Variants in SLC8A3 observed in about 807,000 individuals in gnomAD.
SLC8A3 encodes sodium/calcium exchanger 3.
SLC8A3 carries 37 observed loss-of-function variants against 65.4 expected under a neutral mutation model. That is an observed-to-expected ratio of 0.57 (90% confidence interval 0.44 to 0.74). The LOEUF (loss-of-function observed/expected upper bound fraction) is 0.74. Among genes scored for constraint, SLC8A3 ranks in the 30% least tolerant of loss-of-function variants. The pLI, the probability that SLC8A3 is intolerant of heterozygous loss-of-function variation, is 0.00. For missense variants in SLC8A3, 1,112 were observed against 1,172.1 expected (o/e 0.95, Z 0.75); for synonymous variants, 461 against 444.5 (o/e 1.04, Z -0.47).
chr14:70,115,607 G>C (rs1484592117), intron 2 of SLC8A3, among the ~76,000 whole-genome samples: 2 of 152,190 alleles, frequency 1.3e-5, no homozygotes, highest in African/African-American at 4.8e-5. Context: ...TGAGGAGAGG[G>C]ACGATGGGAA....
chr14:70,138,512 T>A (rs1895366511), intron 2 of SLC8A3, among the ~76,000 whole-genome samples: 2 of 152,210 alleles, frequency 1.3e-5, no homozygotes, highest in Admixed American at 6.5e-5. Context: ...ACTGCACCAT[T>A]CATCGGAATC....
chr14:70,108,408 AAAAAAAGAAAAATGAAAAAG>A (rs1893026734), intron 2 of SLC8A3, among the ~76,000 whole-genome samples: 1 of 151,836 alleles, frequency 6.6e-6, no homozygotes, highest in African/African-American at 2.4e-5. Context: ...TCAAAAAAAA[AAAAAAAGAAAAATGAAAAAG>A]AAAAAAGAAA....
intron 2 of SLC8A3, among the ~76,000 whole-genome samples, chr14:70,096,717 C>T (rs1158532727): frequency 6.6e-6 from 1 of 152,150 alleles, no homozygotes; most frequent in Non-Finnish European, 1.5e-5. Context: ...CAATTCATGT[C>T]CCTCTTCATT....
intron 2 of SLC8A3, among the ~76,000 whole-genome samples, chr14:70,151,227 C>T (rs1258639632): frequency 2.0e-5 from 3 of 151,248 alleles, no homozygotes; most frequent in African/African-American, 4.9e-5. Flanking sequence ...GCACTCCAGC[C>T]CAGGCGACAG....
rs925632365 is a variant in SLC8A3, at chr14:70,045,197, A to C, written c.*750T>G. On this transcript the variant is annotated 3_prime_UTR_variant, in exon 7 of 7. Transcript: ENST00000356921. ...TCCTGCTCCAGTTGAAGCTCCTGTA[A>C]GATCTTTAGTACCCTGCGTGGGTGA... 6.6e-6 allele frequency: 1 copy of C among 152,180 alleles called. No individual in the cohort carries two copies. Among genetic ancestry groups the C allele is most frequent in the African/African-American group, 2.4e-5 (1 of 41,434 alleles). The allele number at this position is 152,180 out of a possible 1,614,324, so 9.4% of individuals were successfully genotyped here.
At chr14:70,050,620 C>T (rs1373744909) in intron 5 of SLC8A3, among the ~76,000 whole-genome samples, 1 of 152,106 alleles carries the variant, frequency 6.6e-6, no homozygotes, top group Non-Finnish European at 1.5e-5. Context: ...TCAGAATTGT[C>T]CCACATTTTA....
intron 1 of SLC8A3, among the ~76,000 whole-genome samples, chr14:70,182,991 A>G (rs1882885852): frequency 1.3e-5 from 2 of 152,178 alleles, no homozygotes; most frequent in Admixed American, 6.5e-5. Flanking sequence ...CAGTGGAGAA[A>G]TCAGGGTGCA....
At chr14:70,182,455 G>T (rs997470981) in intron 1 of SLC8A3, among the ~76,000 whole-genome samples, 1 of 152,090 alleles carries the variant, frequency 6.6e-6, no homozygotes, top group Non-Finnish European at 1.5e-5. Context: ...GTGGAAGAGG[G>T]GCCATGTAGA....
chr14:70,091,524 A>C (rs1891802488), intron 2 of SLC8A3, among the ~76,000 whole-genome samples: 1 of 152,144 alleles, frequency 6.6e-6, no homozygotes, highest in Non-Finnish European at 1.5e-5. Flanking sequence ...CTGGTACTTG[A>C]ATATCCTATA....
chr14:70,131,305 A>G lies in SLC8A3; in HGVS notation c.1784+35334T>C, dbSNP rs547317900. Among the ~76,000 whole-genome samples the G allele has an allele frequency of 3.3e-5, 5 of 152,312 alleles. No homozygotes were observed. In the South Asian group the frequency reaches 1.0e-3, roughly 32 times the overall value. On this transcript the variant is annotated intron_variant, in intron 2 of 6. Coordinates refer to ENST00000356921, the MANE Select transcript of SLC8A3 (RefSeq NM_182932.3). ...GGTGAGAATTGGAGGTGGGAAAGTG[A>G]AGAAACTGAAATGATGTAGAAGAGG...
rs775748470 is a variant in SLC8A3 at position 70,167,139 on chromosome 14, G to C, written c.1284C>G (p.Thr428=). 8 of 1,614,128 alleles carry C rather than the reference G, an allele frequency of 5.0e-6. No individual in the cohort carries two copies. The South Asian group carries it at 7.7e-5, about 16-fold the overall frequency. Residue 428 remains threonine (T), a synonymous_variant, in exon 2 of 7, where the codon ACC becomes ACG. Coordinates refer to ENST00000356921, the MANE Select transcript of SLC8A3 (RefSeq NM_182932.3). The part of the protein sequence containing the change: ...VVRKGGDMSK[T]MYVDYKTEDG... Reference sequence around the variant, plus strand: ...CCTCTGTTTTGTAGTCCACATACATGGTCTTTGACATGTCTCCCCCTTTCC... The same window carrying C: ...CCTCTGTTTTGTAGTCCACATACATCGTCTTTGACATGTCTCCCCCTTTCC...
intron 2 of SLC8A3, among the ~76,000 whole-genome samples, chr14:70,123,591 A>G (rs1381991778): frequency 6.6e-6 from 1 of 151,936 alleles, no homozygotes; most frequent in Non-Finnish European, 1.5e-5. Flanking sequence ...CTAGGATTAC[A>G]GGCACCTGTC....
intron 2 of SLC8A3, among the ~76,000 whole-genome samples, chr14:70,113,587 G>A (rs1893455497): frequency 1.3e-5 from 2 of 152,126 alleles, no homozygotes; most frequent in Admixed American, 6.5e-5. Flanking sequence ...AAAGTCATTT[G>A]TATTCCAGAA....
chr14:70,137,545 C>T (rs1456759247), intron 2 of SLC8A3, among the ~76,000 whole-genome samples: 2 of 152,156 alleles, frequency 1.3e-5, no homozygotes, highest in African/African-American at 2.4e-5. Context: ...GCAACAATTT[C>T]CTAATTCGCA....
rs1377779818 is a variant in SLC8A3, at chr14:70,045,313, G to A, written c.*634C>T. The A allele has an allele frequency of 2.0e-5, 3 of 152,134 alleles. No individual in the cohort carries two copies. The highest frequency in any genetic ancestry group is 6.5e-5 in the Admixed American group (1 of 15,280). The allele number at this position is 152,134 out of a possible 1,614,324, so 9.4% of individuals were successfully genotyped here. A position where few individuals can be genotyped will look rare whatever the true frequency, so the allele number is the denominator to read the frequency against. ...GAACTGGATCTTGATGGAGCCAAGA[G>A]GTGGCAGGAGAGCATGTGTCTAAAA... On this transcript the variant is annotated 3_prime_UTR_variant, in exon 7 of 7. Transcript: ENST00000356921.
chr14:70,164,218 A>T (rs76684366), intron 2 of SLC8A3, among the ~76,000 whole-genome samples: 5,430 of 152,162 alleles, frequency 0.036, 315 homozygotes, highest in African/African-American at 0.12. Context: ...ATTTCCCCAA[A>T]CTACATTATT....
intron 3 of SLC8A3, among the ~76,000 whole-genome samples, chr14:70,056,324 G>A (rs1386449713): frequency 6.6e-6 from 1 of 152,184 alleles, no homozygotes; most frequent in Non-Finnish European, 1.5e-5. Flanking sequence ...ACAGTGCCCA[G>A]GTCTATGTCT....
chr14:70,174,145 T>C lies in SLC8A3; in HGVS notation c.-62-5661A>G, dbSNP rs1478024779. Among the ~76,000 whole-genome samples, 5 of 152,192 alleles carry C rather than the reference T, an allele frequency of 3.3e-5. No homozygotes were observed. The East Asian group carries it at 9.7e-4, about 29-fold the overall frequency. ...TCCAGGACACATGCTGTTACCACTGTGCTTGACACATACCCTAGGTTTGAG... is the reference window on the plus strand; with the variant it reads ...TCCAGGACACATGCTGTTACCACTGCGCTTGACACATACCCTAGGTTTGAG... On this transcript the variant is annotated intron_variant, in intron 1 of 6. Transcript: ENST00000356921.
At chr14:70,064,550 T>TGGCGGC (rs1889196748) in intron 2 of SLC8A3, among the ~76,000 whole-genome samples, 1 of 78,030 alleles carries the variant, frequency 1.3e-5, no homozygotes, top group Non-Finnish European at 2.6e-5. Context: ...GGGGTGGTGG[T>TGGCGGC]GGCGGCGGCG....
Sources: gnomAD v4.1 joint callset for allele counts (sites outside exome capture counted in the v4.1 genomes callset) on GRCh38, gnomAD v4.1.1 for gene constraint, MANE v1.5 for transcripts, NCBI Gene and HGNC (gene_info 2026-07-23, HGNC 2026-07-21) for gene names.